The following CLEC11A variants were observed in gnomAD, a reference collection of about 807,000 sequenced individuals.
CLEC11A encodes the protein C-type lectin domain family 11 member A.
Under a neutral mutation model 33.9 loss-of-function variants are expected in CLEC11A, and 35 were observed. That is an observed-to-expected ratio of 1.03 (90% confidence interval 0.79 to 1.37). CLEC11A has a LOEUF of 1.37. CLEC11A is among the 40% of genes most tolerant of loss of function. The probability of loss-of-function intolerance (pLI) is 0.00; values close to 1 mark genes in which losing one functional copy is unlikely to be tolerated. For missense variants in CLEC11A, 519 were observed against 455.5 expected, an observed-to-expected ratio of 1.14 and a Z score of -1.27; for synonymous variants, 220 against 202.2, an observed-to-expected ratio of 1.09 and a Z score of -0.75.
At position 50,723,431 on chromosome 19, in the gene CLEC11A, A is replaced by C. The variant is rs551458708; in HGVS notation, c.-95A>C. On this transcript the variant is annotated 5_prime_UTR_variant, in exon 1 of 4. Transcript: ENST00000250340. The surrounding 1 kb of genome is among the most constrained non-coding windows in gnomAD (Gnocchi z 4.1). The stretch of plus-strand genomic sequence containing the variant: ...GGGAACCTGGGGGCTAGTGACCTGC[A>C]CACAGGGCAGGGGCACTCGGCAGTT... 42 of 1,340,922 alleles carry C rather than the reference A, an allele frequency of 3.1e-5. 1 individual carries two copies. In the South Asian group the frequency reaches 5.1e-4, roughly 16 times the overall value. 83.1% of individuals were successfully genotyped at this position (1,340,922 alleles called of 1,614,324 possible).
chr19:50,723,985 G>C lies in CLEC11A; in HGVS notation c.228G>C (p.Trp76Cys). 6.2e-7 allele frequency: 1 copy of C among 1,613,580 alleles called. No homozygotes were observed. The highest frequency in any genetic ancestry group is 1.1e-5 in the South Asian group (1 of 91,058). ...GAACTGTTGAGGGAAAAGAGGACTGGGAGATGGAGGAGGACCAGGGGGAGG... is the reference window on the plus strand; with the variant it reads ...GAACTGTTGAGGGAAAAGAGGACTGCGAGATGGAGGAGGACCAGGGGGAGG... ...PAGTVEGKED[W>C]EMEEDQGEEE... Residue 76 changes from tryptophan (W) to cysteine (C), a missense_variant, in exon 2 of 4, where the codon TGG becomes TGC. Trp to Cys is a radical substitution (Grantham distance 215). Coordinates refer to ENST00000250340, the MANE Select transcript of CLEC11A (RefSeq NM_002975.3). The surrounding 1 kb of genome is among the most constrained non-coding windows in gnomAD (Gnocchi z 4.1).
Position 50,725,174 on chromosome 19 carries a change from C to G in CLEC11A, c.679C>G (p.Leu227Val), listed in dbSNP as rs764239744. ...GCAGATGGAGGCGCTCACTCGGTAC[C>G]TGCGCGCGGCGCTCGCTCCCTACAA... Reference protein sequence around the residue: ...RQQMEALTRYLRAALAPYNWP... With the variant: ...RQQMEALTRYVRAALAPYNWP... The change falls in exon 4 of 4, where the codon CTG becomes GTG. Residue 227 changes from leucine (L) to valine (V), a missense_variant. Physicochemically the swap from Leu to Val is conservative, Grantham distance 32. Coordinates refer to ENST00000250340, the MANE Select transcript of CLEC11A (RefSeq NM_002975.3). 21 of 1,577,860 alleles carry G rather than the reference C, an allele frequency of 1.3e-5. No homozygotes were observed. The highest frequency in any genetic ancestry group is 1.7e-4 in the Middle Eastern group (1 of 6,026).
In CLEC11A at chr19:50,723,815, C is replaced by G; in HGVS notation, c.148-90C>G. On this transcript the variant is annotated intron_variant, in intron 1 of 3. Coordinates refer to ENST00000250340, the MANE Select transcript of CLEC11A (RefSeq NM_002975.3). The surrounding 1 kb of genome is among the most constrained non-coding windows in gnomAD (Gnocchi z 4.1). ...GGGTGATGGGCTCAGAGACAGGACT[C>G]AGGCAGCAGAGAATGAGTTATGAGT... 1.3e-6 allele frequency: 2 copies of G among 1,537,262 alleles called. No homozygotes were observed. Among genetic ancestry groups the G allele is most frequent in the Non-Finnish European group, 1.8e-6 (2 of 1,142,698 alleles).
In CLEC11A at chr19:50,724,923, T is replaced by C. The variant is rs2089172379; in HGVS notation, c.527-99T>C. On this transcript the variant is annotated intron_variant, in intron 3 of 3. Coordinates refer to ENST00000250340, the MANE Select transcript of CLEC11A (RefSeq NM_002975.3). This position sits in a 1 kb window ranked among gnomAD's most constrained non-coding sequence, Gnocchi z 4.1. ...CCTCCCAGCCCTCCCCATGAGTTCC[T>C]GGCCCCGCCTCCCTCCACCCCCGGA... The C allele has an allele frequency of 5.8e-6, 8 of 1,386,668 alleles. No homozygotes were observed. Among genetic ancestry groups the C allele is most frequent in the South Asian group, 3.2e-5 (2 of 62,864 alleles). 85.9% of individuals were successfully genotyped at this position (1,386,668 alleles called of 1,614,324 possible).
rs1241805807 is a variant in CLEC11A, at chr19:50,723,610, T to G, written c.85T>G (p.Trp29Gly). The stretch of plus-strand genomic sequence containing the variant: ...TGGGGCTCGGGGAGCAGAGAGGGAG[T>G]GGGAGGGAGGCTGGGGAGGTGCCCA... ...GHGARGAERE[W>G]EGGWGGAQEE... Residue 29 changes from tryptophan to glycine, a missense_variant, in exon 1 of 4, where the codon TGG becomes GGG. Coordinates refer to ENST00000250340, the MANE Select transcript of CLEC11A (RefSeq NM_002975.3). The surrounding 1 kb of genome is among the most constrained non-coding windows in gnomAD (Gnocchi z 4.1). 1 of 1,606,660 alleles carries G rather than the reference T, an allele frequency of 6.2e-7. No individual in the cohort carries two copies. Among genetic ancestry groups the G allele is most frequent in the Non-Finnish European group, 8.5e-7 (1 of 1,178,054 alleles).
At position 50,724,014 on chromosome 19, in the gene CLEC11A, A is replaced by C. The variant is rs139906595; in HGVS notation, c.257A>C (p.Glu86Ala). Residue 86 changes from glutamate to alanine, a missense_variant, in exon 2 of 4, where the codon GAG becomes GCG. Glu to Ala is a moderately radical substitution (Grantham distance 107). Transcript: ENST00000250340. The surrounding 1 kb of genome is among the most constrained non-coding windows in gnomAD (Gnocchi z 4.1). ...ATGGAGGAGGACCAGGGGGAGGAAG[A>C]GGAGGAGGAAGCAACGCCAACCCCA... is the stretch of plus-strand genomic sequence containing the variant. The part of the protein sequence containing the change: ...WEMEEDQGEE[E>A]EEEATPTPSS... 435 of 1,612,062 alleles carry C rather than the reference A, an allele frequency of 2.7e-4. 5 individuals are homozygous for C. The African/African-American group carries it at 5.4e-3, about 20-fold the overall frequency.
rs2089167204 is a variant in CLEC11A, at chr19:50,724,453, C to A, written c.378C>A (p.His126Gln). Reference protein sequence around the residue: ...AGLDAGLHQLHVRLHALDTRV... With the variant: ...AGLDAGLHQLQVRLHALDTRV... ...TGGACGCAGGCCTGCACCAGCTGCA[C>A]GTCCGTCTGCACGCGTTGGACACCC... The change falls in exon 3 of 4, where the codon CAC becomes CAA. Residue 126 changes from histidine to glutamine, a missense_variant. By Grantham distance (24) the His-to-Gln change is conservative. Coordinates refer to ENST00000250340, the MANE Select transcript of CLEC11A (RefSeq NM_002975.3). This position sits in a 1 kb window ranked among gnomAD's most constrained non-coding sequence, Gnocchi z 4.1. 3 of 1,563,256 alleles carry A rather than the reference C, an allele frequency of 1.9e-6. No individual in the cohort carries two copies. Among genetic ancestry groups the A allele is most frequent in the South Asian group, 1.2e-5 (1 of 86,632 alleles).
At position 50,724,421 on chromosome 19, in the gene CLEC11A, G is replaced by A; in HGVS notation, c.346G>A (p.Ala116Thr). Residue 116 changes from alanine to threonine, a missense_variant, in exon 3 of 4, where the codon GCC becomes ACC. Physicochemically the swap from Ala to Thr is moderately conservative, Grantham distance 58. Transcript: ENST00000250340. The surrounding 1 kb of genome is among the most constrained non-coding windows in gnomAD (Gnocchi z 4.1). The stretch of plus-strand genomic sequence containing the variant: ...CTGTCTGTCCGCAGTGGGCCGCCTG[G>A]CCGGCCTGGACGCAGGCCTGCACCA... Reference protein sequence around the residue: ...DIVTYILGRLAGLDAGLHQLH... With the variant: ...DIVTYILGRLTGLDAGLHQLH... 1 of 1,513,526 alleles carries A rather than the reference G, an allele frequency of 6.6e-7. No individual in the cohort carries two copies. The highest frequency in any genetic ancestry group is 8.8e-7 in the Non-Finnish European group (1 of 1,138,282). 93.8% of individuals were successfully genotyped at this position (1,513,526 alleles called of 1,614,324 possible). A position where few individuals can be genotyped will look rare whatever the true frequency, so the allele number is the denominator to read the frequency against.
chr19:50,724,210 C>T lies in CLEC11A; in HGVS notation c.334+119C>T, dbSNP rs1423509403. 8.6e-6 allele frequency: 13 copies of T among 1,505,120 alleles called. No individual in the cohort carries two copies. Among genetic ancestry groups the T allele is most frequent in the Admixed American group, 2.1e-5 (1 of 47,550 alleles). The allele number at this position is 1,505,120 out of a possible 1,614,324, so 93.2% of individuals were successfully genotyped here. A position where few individuals can be genotyped will look rare whatever the true frequency, so the allele number is the denominator to read the frequency against. On this transcript the variant is annotated intron_variant, in intron 2 of 3. Transcript: ENST00000250340. This position sits in a 1 kb window ranked among gnomAD's most constrained non-coding sequence, Gnocchi z 4.1. Reference sequence around the variant, plus strand: ...AGTTGTCCATTGCCCAGCCCAGAGCCCCCACACCCCTAGGAGCCCCAGGTC... The same window carrying T: ...AGTTGTCCATTGCCCAGCCCAGAGCTCCCACACCCCTAGGAGCCCCAGGTC...
rs2123225838 is a variant in CLEC11A, at chr19:50,725,006, C to T, written c.527-16C>T. ...TGCATGACCCCGCCTCCTTCTCTACCCGGCCCCGCCCACAGGCTGCCTGAA... is the reference window on the plus strand; with the variant it reads ...TGCATGACCCCGCCTCCTTCTCTACTCGGCCCCGCCCACAGGCTGCCTGAA... On this transcript the variant is annotated splice_polypyrimidine_tract_variant and intron_variant, in intron 3 of 3. Coordinates refer to ENST00000250340, the MANE Select transcript of CLEC11A (RefSeq NM_002975.3). The T allele has an allele frequency of 1.4e-6, 2 of 1,460,464 alleles. No homozygotes were observed. The highest frequency in any genetic ancestry group is 2.7e-5 in the East Asian group (1 of 37,400). The allele number at this position is 1,460,464 out of a possible 1,614,324, so 90.5% of individuals were successfully genotyped here. A position where few individuals can be genotyped will look rare whatever the true frequency, so the allele number is the denominator to read the frequency against.
Position 50,725,600 on chromosome 19 carries a change from GC to G in CLEC11A, c.*134del. 1 of 1,423,692 alleles carries G rather than the reference GC, an allele frequency of 7.0e-7. No individual in the cohort carries two copies. 88.2% of individuals were successfully genotyped at this position (1,423,692 alleles called of 1,614,324 possible). A position where few individuals can be genotyped will look rare whatever the true frequency, so the allele number is the denominator to read the frequency against. On this transcript the variant is annotated 3_prime_UTR_variant, in exon 4 of 4. Transcript: ENST00000250340. ...GTCCTCCCCGACCCCCAGTCTGGGCGCTTCTGGGAGGGCTCTTGCGGTGCCG... is the reference window on the plus strand; with the variant it reads ...GTCCTCCCCGACCCCCAGTCTGGGCGTTCTGGGAGGGCTCTTGCGGTGCCG...
Position 50,723,610 on chromosome 19 carries a change from T to C in CLEC11A, c.85T>C (p.Trp29Arg), listed in dbSNP as rs1241805807. The part of the protein sequence containing the change: ...GHGARGAERE[W>R]EGGWGGAQEE... ...TGGGGCTCGGGGAGCAGAGAGGGAGTGGGAGGGAGGCTGGGGAGGTGCCCA... is the reference window on the plus strand; with the variant it reads ...TGGGGCTCGGGGAGCAGAGAGGGAGCGGGAGGGAGGCTGGGGAGGTGCCCA... The change falls in exon 1 of 4, where the codon TGG becomes CGG. Residue 29 changes from tryptophan to arginine, a missense_variant. Trp to Arg is a moderately radical substitution (Grantham distance 101). Transcript: ENST00000250340. The surrounding 1 kb of genome is among the most constrained non-coding windows in gnomAD (Gnocchi z 4.1). 1.0e-5 allele frequency: 16 copies of C among 1,606,660 alleles called. No homozygotes were observed. Among genetic ancestry groups the C allele is most frequent in the Non-Finnish European group, 1.4e-5 (16 of 1,178,054 alleles).
Position 50,724,066 on chromosome 19 carries a change from C to A in CLEC11A, c.309C>A (p.Thr103=), listed in dbSNP as rs141783525. 7.2e-4 allele frequency: 1,166 copies of A among 1,613,596 alleles called. No homozygotes were observed. The highest frequency in any genetic ancestry group is 8.9e-4 in the Non-Finnish European group (1,054 of 1,179,704). ...CCTCCGGCCCCAGCCCCTCTCCCACCCCTGAGGACATCGTCACTTACATCC... is the reference window on the plus strand; with the variant it reads ...CCTCCGGCCCCAGCCCCTCTCCCACACCTGAGGACATCGTCACTTACATCC... ...TPSSGPSPSP[T]PEDIVTYILG... Residue 103 remains threonine (T), a synonymous_variant, in exon 2 of 4, where the codon ACC becomes ACA. Coordinates refer to ENST00000250340, the MANE Select transcript of CLEC11A (RefSeq NM_002975.3). This position sits in a 1 kb window ranked among gnomAD's most constrained non-coding sequence, Gnocchi z 4.1.
chr19:50,725,100 C>A lies in CLEC11A; in HGVS notation c.605C>A (p.Ala202Glu). Reference sequence around the variant, plus strand: ...TTCGAAGCTCAGGCGGCGGCGCAGGCGCGGTGCACGGCGCGGGGCGGGAGC... The same window carrying A: ...TTCGAAGCTCAGGCGGCGGCGCAGGAGCGGTGCACGGCGCGGGGCGGGAGC... ...RDFEAQAAAQ[A>E]RCTARGGSLA... is the part of the protein sequence containing the mutation. Residue 202 changes from alanine (A) to glutamate (E), a missense_variant, in exon 4 of 4, where the codon GCG becomes GAG. Ala to Glu is a moderately radical substitution (Grantham distance 107, BLOSUM62 -1). Coordinates refer to ENST00000250340, the MANE Select transcript of CLEC11A (RefSeq NM_002975.3). 2 of 1,527,920 alleles carry A rather than the reference C, an allele frequency of 1.3e-6. No homozygotes were observed. Among genetic ancestry groups the A allele is most frequent in the Non-Finnish European group, 8.8e-7 (1 of 1,139,434 alleles). 94.6% of individuals were successfully genotyped at this position (1,527,920 alleles called of 1,614,324 possible). A position where few individuals can be genotyped will look rare whatever the true frequency, so the allele number is the denominator to read the frequency against.
At position 50,725,551 on chromosome 19, in the gene CLEC11A, C is replaced by T. The variant is rs551273307; in HGVS notation, c.*84C>T. The T allele has an allele frequency of 6.4e-5, 93 of 1,452,378 alleles. No homozygotes were observed. The highest frequency in any genetic ancestry group is 8.7e-5 in the South Asian group (6 of 68,804). 90.0% of individuals were successfully genotyped at this position (1,452,378 alleles called of 1,614,324 possible). On this transcript the variant is annotated 3_prime_UTR_variant, in exon 4 of 4. Transcript: ENST00000250340. ...CCCACCCTCCTCCGGAATCTCCCTT[C>T]CCTTCCTGGCCACGAATGGCAGCGT...
Position 50,724,405 on chromosome 19 carries a change from C to A in CLEC11A, c.335-5C>A. On this transcript the variant is annotated splice_polypyrimidine_tract_variant and splice_region_variant and intron_variant, in intron 2 of 3. Transcript: ENST00000250340. The surrounding 1 kb of genome is among the most constrained non-coding windows in gnomAD (Gnocchi z 4.1). Reference sequence around the variant, plus strand: ...CCCTCCAGCATGATCCCTGTCTGTCCGCAGTGGGCCGCCTGGCCGGCCTGG... The same window carrying A: ...CCCTCCAGCATGATCCCTGTCTGTCAGCAGTGGGCCGCCTGGCCGGCCTGG... 1 of 1,499,010 alleles carries A rather than the reference C, an allele frequency of 6.7e-7. No homozygotes were observed. The highest frequency in any genetic ancestry group is 8.8e-7 in the Non-Finnish European group (1 of 1,131,694). The allele number at this position is 1,499,010 out of a possible 1,614,324, so 92.9% of individuals were successfully genotyped here.
rs766563631 is a variant in CLEC11A at position 50,725,358 on chromosome 19, C to T, written c.863C>T (p.Pro288Leu). Reference protein sequence around the residue: ...ASPHPLSPDQPNGGTLENCVA... With the variant: ...ASPHPLSPDQLNGGTLENCVA... ...CCGCATCCGCTCAGCCCGGACCAGC[C>T]CAACGGTGGCACGCTCGAGAACTGC... Residue 288 changes from proline to leucine, a missense_variant, in exon 4 of 4, where the codon CCC becomes CTC. Pro to Leu is a moderately conservative substitution (Grantham distance 98). Coordinates refer to ENST00000250340, the MANE Select transcript of CLEC11A (RefSeq NM_002975.3). The T allele has an allele frequency of 9.9e-6, 16 of 1,612,182 alleles. No individual in the cohort carries two copies. The highest frequency in any genetic ancestry group is 2.2e-5 in the East Asian group (1 of 44,870).
In CLEC11A at chr19:50,725,032, G is replaced by A; in HGVS notation, c.537G>A (p.Lys179=). Residue 179 remains lysine, a synonymous_variant, in exon 4 of 4, where the codon AAG becomes AAA. Coordinates refer to ENST00000250340, the MANE Select transcript of CLEC11A (RefSeq NM_002975.3). ...REHGRLEGCL[K]GLRLGHKCFL... Reference sequence around the variant, plus strand: ...CGGCCCCGCCCACAGGCTGCCTGAAGGGGCTGCGCCTGGGCCACAAGTGCT... The same window carrying A: ...CGGCCCCGCCCACAGGCTGCCTGAAAGGGCTGCGCCTGGGCCACAAGTGCT... The A allele has an allele frequency of 6.7e-7, 1 of 1,488,726 alleles. No homozygotes were observed. The highest frequency in any genetic ancestry group is 8.9e-7 in the Non-Finnish European group (1 of 1,123,122). 92.2% of individuals were successfully genotyped at this position (1,488,726 alleles called of 1,614,324 possible).
Position 50,723,979 on chromosome 19 carries a change from G to A in CLEC11A, c.222G>A (p.Glu74=). 6.2e-7 allele frequency: 1 copy of A among 1,613,720 alleles called. No homozygotes were observed. The highest frequency in any genetic ancestry group is 8.5e-7 in the Non-Finnish European group (1 of 1,179,838). Residue 74 remains glutamate, a synonymous_variant, in exon 2 of 4, where the codon GAG becomes GAA. Coordinates refer to ENST00000250340, the MANE Select transcript of CLEC11A (RefSeq NM_002975.3). The surrounding 1 kb of genome is among the most constrained non-coding windows in gnomAD (Gnocchi z 4.1). ...CTGCCGGAACTGTTGAGGGAAAAGA[G>A]GACTGGGAGATGGAGGAGGACCAGG... ...ENPAGTVEGK[E]DWEMEEDQGE... is the part of the protein sequence containing the mutation.
Sources: allele counts gnomAD v4.1 joint callset, GRCh38; gene constraint gnomAD v4.1.1; non-coding constraint Gnocchi (gnomAD v3.1); transcripts MANE v1.5; gene names NCBI Gene and HGNC (gene_info 2026-07-23, HGNC 2026-07-21).